Variants in NCOA2 observed in about 807,000 individuals in gnomAD.
NCOA2 encodes class E basic helix-loop-helix protein 75.
In NCOA2, 21 loss-of-function variants were observed where a neutral mutation model predicts 145.1. That is an observed-to-expected ratio of 0.14 (90% CI 0.10 to 0.21). NCOA2 has a LOEUF of 0.21. Ranked by LOEUF, NCOA2 falls within the 10% of genes least tolerant of loss-of-function variation. The pLI is 1.00. For missense variants in NCOA2, 1,472 were observed against 1,837.6 expected (o/e 0.80, Z 3.64); for synonymous variants, 619 against 637.5 (o/e 0.97, Z 0.44).
chr8:70,444,460 A>G, the NCOA2 span, among the ~76,000 whole-genome samples: 6 of 152,204 alleles, frequency 3.9e-5, no homozygotes, highest in African/African-American at 1.4e-4. Context: ...GCATGTGAAA[A>G]TATCGCATAG....
intron 2 of NCOA2, among the ~76,000 whole-genome samples, chr8:70,228,003 T>TC (rs1820807481): frequency 2.8e-5 from 1 of 35,182 alleles, no homozygotes; most frequent in Non-Finnish European, 6.6e-5. Context: ...AGACTCCATC[T>TC]CAAAAAAAAA....
intron 2 of NCOA2, among the ~76,000 whole-genome samples, chr8:70,232,776 C>G (rs1338746742): frequency 1.3e-5 from 2 of 151,972 alleles, no homozygotes; most frequent in Non-Finnish European, 2.9e-5. Context: ...ACCATTCAAT[C>G]TCAAATCTTC....
the NCOA2 span, among the ~76,000 whole-genome samples, chr8:70,443,339 A>G: frequency 5.3e-5 from 8 of 152,042 alleles, no homozygotes; most frequent in African/African-American, 9.7e-5. Context: ...ATGACATTGC[A>G]CTCCAACCTG....
chr8:70,321,708 T>A (rs1358918677), intron 1 of NCOA2, among the ~76,000 whole-genome samples: 1 of 151,752 alleles, frequency 6.6e-6, no homozygotes, highest in Admixed American at 6.6e-5. Context: ...ATATCAGAAA[T>A]GCTTTGCTTT....
At chr8:70,450,274 A>T in the NCOA2 span, among the ~76,000 whole-genome samples, 1 of 152,230 alleles carries the variant, frequency 6.6e-6, no homozygotes, top group African/African-American at 2.4e-5. Flanking sequence ...AAGGTGGGGC[A>T]TGTGGGAGGT....
intron 1 of NCOA2, among the ~76,000 whole-genome samples, chr8:70,321,627 C>T (rs1263217683): frequency 6.6e-6 from 1 of 151,998 alleles, no homozygotes; most frequent in Non-Finnish European, 1.5e-5. Context: ...AGGAAGTAGA[C>T]TTACTAAGAC....
At chr8:70,308,306 A>G (rs1233723137) in intron 1 of NCOA2, among the ~76,000 whole-genome samples, 1 of 152,082 alleles carries the variant, frequency 6.6e-6, no homozygotes. Flanking sequence ...ATTTTCATAT[A>G]ATGACTTGAC....
chr8:70,119,034 G>T (rs932962269), intron 22 of NCOA2, among the ~76,000 whole-genome samples: 1 of 151,994 alleles, frequency 6.6e-6, no homozygotes, highest in African/African-American at 2.4e-5. Context: ...ATTTATGGGG[G>T]TACATATGAA....
chr8:70,386,348 T>C (rs1812663222), intron 1 of NCOA2, among the ~76,000 whole-genome samples: 1 of 152,222 alleles, frequency 6.6e-6, no homozygotes, highest in Non-Finnish European at 1.5e-5. Context: ...ATCCATGCTC[T>C]CACCATGTAA....
intron 2 of NCOA2, among the ~76,000 whole-genome samples, chr8:70,282,733 C>T (rs1249521558): frequency 6.6e-6 from 1 of 151,280 alleles, no homozygotes; most frequent in East Asian, 1.9e-4. Flanking sequence ...TTGTTTCTTC[C>T]CAATCATAAA....
chr8:70,407,608 G>A (rs1459391120), upstream of NCOA2, among the ~76,000 whole-genome samples: 1 of 150,456 alleles, frequency 6.6e-6, no homozygotes, highest in East Asian at 1.9e-4. Context: ...CCAACATGGT[G>A]AAACCCCGTC....
chr8:70,280,408 A>G (rs921810649), intron 2 of NCOA2, among the ~76,000 whole-genome samples: 4 of 152,224 alleles, frequency 2.6e-5, no homozygotes, highest in African/African-American at 9.6e-5. Flanking sequence ...GACGTAAGAT[A>G]AATCAAAATT....
chr8:70,128,317 G>C (rs1171919704), intron 18 of NCOA2, 116 bp downstream of exon 18: 3 of 819,830 alleles, frequency 3.7e-6, no homozygotes, highest in Non-Finnish European at 6.0e-6. Flanking sequence ...GACAGTACAG[G>C]GCTAGTGTGC....
At chr8:70,319,539 A>AAAATAAATAAAT (rs71558597) in intron 1 of NCOA2, among the ~76,000 whole-genome samples, 8,402 of 149,104 alleles carry the variant, frequency 0.056, 548 homozygotes, top group African/African-American at 0.16. Flanking sequence ...CCCTGTCTCA[A>AAAATAAATAAAT]AAATAAATAA....
chr8:70,347,967 A>C (rs756521848), intron 1 of NCOA2, among the ~76,000 whole-genome samples: 5 of 152,222 alleles, frequency 3.3e-5, no homozygotes, highest in African/African-American at 9.6e-5. Context: ...AAACAACTGT[A>C]ATCATTTTAA....
the NCOA2 span, among the ~76,000 whole-genome samples, chr8:70,422,656 C>A: frequency 5.3e-5 from 8 of 152,082 alleles, no homozygotes; most frequent in South Asian, 1.2e-3. Context: ...AGCAATCTTC[C>A]CACCTCCCAG....
At chr8:70,441,319 G>A in the NCOA2 span, among the ~76,000 whole-genome samples, 6 of 135,758 alleles carry the variant, frequency 4.4e-5, no homozygotes, top group Non-Finnish European at 9.4e-5. Context: ...AAAGAGGAAA[G>A]GAGAGAGAAA....
chr8:70,147,128 G>GTC (rs1491534032), intron 12 of NCOA2, among the ~76,000 whole-genome samples: 1 of 142,016 alleles, frequency 7.0e-6, no homozygotes, highest in African/African-American at 2.8e-5. Context: ...GCGCGCGCGC[G>GTC]TGTGTGTGTG....
intron 8 of NCOA2, 57 bp from the exon 9 acceptor site, chr8:70,162,911 ATTTTT>A (rs10641831): frequency 1.6e-4 from 146 of 921,762 alleles, no homozygotes; most frequent in African/African-American, 5.1e-4. Flanking sequence ...TATGGAAATA[ATTTTT>A]TTTTTTTTTT....
Sources: gnomAD v4.1 joint callset for allele counts (sites outside exome capture counted in the v4.1 genomes callset) on GRCh38, gnomAD v4.1.1 for gene constraint, MANE v1.5 for transcripts, NCBI Gene and HGNC (gene_info 2026-07-23, HGNC 2026-07-21) for gene names.